Variants in TMPRSS9 observed in about 807,000 individuals in gnomAD.
TMPRSS9 encodes transmembrane serine protease 9.
TMPRSS9 carries 113 observed loss-of-function variants against 111.4 expected under a neutral mutation model. The ratio of observed to expected loss-of-function variants is 1.01; its 90% CI spans 0.87 to 1.19. The LOEUF (loss-of-function observed/expected upper bound fraction) is 1.19. Among genes scored for constraint, TMPRSS9 ranks in the 50% most tolerant of loss-of-function variants. The pLI, the probability that TMPRSS9 is intolerant of heterozygous loss-of-function variation, is 0.00. For missense variants in TMPRSS9, 1,803 were observed against 1,513.1 expected (o/e 1.19, Z -3.18); for synonymous variants, 805 against 659.1 (o/e 1.22, Z -3.39).
At chr19:2,384,525 G>C (rs986409279) in intron 1 of TMPRSS9, among the ~76,000 whole-genome samples, 22 of 151,766 alleles carry the variant, frequency 1.4e-4, no homozygotes, top group African/African-American at 5.3e-4. Flanking sequence ...ACAAAGATTA[G>C]CTGGGTGTGG....
At chr19:2,426,165 C>T (rs942417148) in exon 18 of TMPRSS9, 10 of 1,532,590 alleles carry the variant, frequency 6.5e-6, no homozygotes, top group Admixed American at 4.3e-5. Context: ...CCCACCCCAC[C>T]GTACCCTACC....
chr19:2,420,259 C>T (rs912993163), intron 13 of TMPRSS9, among the ~76,000 whole-genome samples: 2 of 151,932 alleles, frequency 1.3e-5, no homozygotes, highest in African/African-American at 2.4e-5. Context: ...GCCAACATGG[C>T]GAAACCCTGT....
At chr19:2,422,294 T>TA in intron 14 of TMPRSS9, 47 bp downstream of exon 15, 3 of 1,485,420 alleles carry the variant, frequency 2.0e-6, no homozygotes, top group Non-Finnish European at 2.7e-6. Context: ...GGTCCCATGT[T>TA]AATCAGCCTG....
intron 1 of TMPRSS9, among the ~76,000 whole-genome samples, chr19:2,393,131 G>T (rs1039994647): frequency 1.3e-5 from 2 of 152,176 alleles, no homozygotes; most frequent in South Asian, 4.1e-4. Context: ...AATAAAAGCG[G>T]ACTGCTGGAG....
chr19:2,402,765 A>T (rs1466019345), intron 5 of TMPRSS9, among the ~76,000 whole-genome samples: 1 of 151,610 alleles, frequency 6.6e-6, no homozygotes, highest in Non-Finnish European at 1.5e-5. Flanking sequence ...AAAATAAAAT[A>T]AAAATAAATA....
At chr19:2,389,717 T>C (rs1169273337), upstream of TMPRSS9, 1 of 1,535,594 alleles carries the variant, frequency 6.5e-7, no homozygotes, top group African/African-American at 1.4e-5. Context: ...AGAAGCACCT[T>C]CAGCCTCTGA....
intron 2 of TMPRSS9, among the ~76,000 whole-genome samples, chr19:2,397,347 G>A (rs1251581066): frequency 1.3e-5 from 2 of 151,906 alleles, no homozygotes; most frequent in African/African-American, 2.4e-5. Flanking sequence ...CTGGAGTGCA[G>A]TGGCAGGATC....
chr19:2,425,959 G>A (rs746183325), exon 18 of TMPRSS9: 1 of 1,603,328 alleles, frequency 6.2e-7, no homozygotes, highest in Admixed American at 1.8e-5. Context: ...CCTGCAGGGA[G>A]CCCTCTGGAC....
In TMPRSS9 at chr19:2,389,881, C is replaced by T. The variant is rs201122568; in HGVS notation, c.96C>T (p.Gly32=). The T allele has an allele frequency of 1.5e-5, 25 of 1,613,642 alleles. No homozygotes were observed. The East Asian group carries it at 2.0e-4, about 13-fold the overall frequency. Residue 32 remains glycine (G), a synonymous_variant, in exon 1 of 18, where the codon GGC becomes GGT. Transcript: ENST00000648592. The stretch of plus-strand genomic sequence containing the variant: ...CGTGCTGTCGAGCGGCCAGCATTGG[C>T]GTGGTGGCCACCAGCCTTGTCGTCC...
rs773942063 is a variant in TMPRSS9, at chr19:2,425,073, A to T, written c.2789A>T (p.Glu930Val). ...CTGAGCGGCGCGGAGGGGCAGCTGGAGCGCGTGGCGCGCATCTACAAGCAC... is the reference window on the plus strand; with the variant it reads ...CTGAGCGGCGCGGAGGGGCAGCTGGTGCGCGTGGCGCGCATCTACAAGCAC... The change falls in exon 16 of 18, where the codon GAG (glutamate) becomes GTG (valine). Residue 930 changes from glutamate to valine, a missense_variant. Transcript: ENST00000648592. 106 of 1,573,284 alleles carry T rather than the reference A, an allele frequency of 6.7e-5. No homozygotes were observed. Among genetic ancestry groups the T allele is most frequent in the Middle Eastern group, 1.7e-4 (1 of 6,024 alleles).
chr19:2,402,318 T>G (rs1568180509), intron 5 of TMPRSS9, among the ~76,000 whole-genome samples: 2 of 152,164 alleles, frequency 1.3e-5, no homozygotes, highest in East Asian at 3.8e-4. Flanking sequence ...GCGTATTGCC[T>G]GTACTCTCAG....
At chr19:2,418,443 C>T (rs1170250910) in intron 13 of TMPRSS9, among the ~76,000 whole-genome samples, 1 of 18,816 alleles carries the variant, frequency 5.3e-5, no homozygotes, top group Non-Finnish European at 8.7e-5. Context: ...TTCCCTCCCT[C>T]CCCTTCCCTC....
intron 1 of TMPRSS9, among the ~76,000 whole-genome samples, chr19:2,393,615 C>G (rs979730359): frequency 6.6e-6 from 1 of 152,016 alleles, no homozygotes; most frequent in Non-Finnish European, 1.5e-5. Flanking sequence ...AACAATTAGC[C>G]AGGGCCAGGC....
At chr19:2,422,989 A>G (rs964008282) in intron 14 of TMPRSS9, among the ~76,000 whole-genome samples, 1 of 151,150 alleles carries the variant, frequency 6.6e-6, no homozygotes. Flanking sequence ...CTCAGGAAGC[A>G]GAGGCTGCAG....
intron 4 of TMPRSS9, among the ~76,000 whole-genome samples, chr19:2,400,166 A>G (rs1398533706): frequency 1.3e-5 from 2 of 152,260 alleles, no homozygotes; most frequent in Non-Finnish European, 2.9e-5. Context: ...AAAAATAACA[A>G]GCAGTGGGCT....
intron 13 of TMPRSS9, among the ~76,000 whole-genome samples, chr19:2,420,913 A>G (rs1300333765): frequency 6.6e-6 from 1 of 152,128 alleles, no homozygotes; most frequent in Non-Finnish European, 1.5e-5. Context: ...TATCTTGAAA[A>G]GAATGTTGAG....
chr19:2,408,504 GA>G lies in TMPRSS9; in HGVS notation c.992del (p.Glu331GlyfsTer2). ...GGCCGACTTTGACGTGGCTGTGCTG[GA>G]GCTGACCAGCCCTCTGCCTTTCGGC... On this transcript the variant is annotated frameshift_variant, in exon 8 of 18. Transcript: ENST00000648592. LOFTEE classifies it high-confidence loss of function. 6.2e-7 allele frequency: 1 copy of G among 1,613,910 alleles called. No homozygotes were observed.
rs139632002 is a variant in TMPRSS9, at chr19:2,422,512, C to T, written c.2548+265C>T. 0.049 allele frequency among the ~76,000 whole-genome samples: 7,529 copies of T among 152,222 alleles called. 210 individuals carry two copies. Among genetic ancestry groups the T allele is most frequent in the Non-Finnish European group, 0.064 (4,351 of 67,998 alleles). Reference sequence around the variant, plus strand: ...AGGAGAATGGCATGAAGCCGGGAGGCGGAGCTTGCAGTGAGCTGCATGCCA... The same window carrying T: ...AGGAGAATGGCATGAAGCCGGGAGGTGGAGCTTGCAGTGAGCTGCATGCCA... On this transcript the variant is annotated intron_variant, in intron 14 of 17. Coordinates refer to ENST00000648592, the Ensembl canonical transcript of TMPRSS9.
intron 1 of TMPRSS9, among the ~76,000 whole-genome samples, chr19:2,364,913 A>C (rs1296826728): frequency 6.6e-6 from 1 of 151,298 alleles, no homozygotes; most frequent in African/African-American, 2.4e-5. Context: ...CGGGAGGCAG[A>C]GCTTGCAGTG....
Sources: allele counts gnomAD v4.1 joint callset (sites outside exome capture counted in the v4.1 genomes callset), GRCh38; gene constraint gnomAD v4.1.1; transcripts MANE v1.5; gene names NCBI Gene and HGNC (gene_info 2026-07-23, HGNC 2026-07-21).